The following METTL15 variants were observed in gnomAD, a reference collection of about 807,000 sequenced individuals.
METTL15 encodes the protein 12S rRNA N(4)-cytidine methyltransferase METTL15.
In METTL15, 34 loss-of-function variants were observed where a neutral mutation model predicts 38.3. That is an observed-to-expected ratio of 0.89 (90% confidence interval 0.68 to 1.18). METTL15 has a LOEUF of 1.18. Among genes scored for constraint, METTL15 ranks in the 50% most tolerant of loss-of-function variants. The pLI is 0.00. For missense variants in METTL15, 438 were observed against 498.4 expected (o/e 0.88, Z 1.15); for synonymous variants, 162 against 170.9 (o/e 0.95, Z 0.41).
rs1856457368 is a variant in METTL15 at position 28,290,249 on chromosome 11, G to A, written c.451G>A (p.Ala151Thr). Residue 151 changes from alanine (A) to threonine (T), a missense_variant, in exon 5 of 7, where the codon GCC (alanine) becomes ACC (threonine). Transcript: ENST00000407364. The stretch of plus-strand genomic sequence containing the variant: ...GCTGGGCCAGTTCAGCCAGGCAGAA[G>A]CCTTATTAATGAAAGCTGGAGTGCA... ...AMLGQFSQAE[A>T]LLMKAGVQPG... 3.1e-6 allele frequency: 5 copies of A among 1,613,098 alleles called. No homozygotes were observed. The African/African-American group carries it at 4.0e-5, about 13-fold the overall frequency.
At chr11:28,211,288 G>A in intron 4 of METTL15, 90 bp downstream of exon 4, 1 of 1,209,234 alleles carries the variant, frequency 8.3e-7, no homozygotes, top group South Asian at 1.9e-5. Context: ...TGCTTTGCAT[G>A]GGCTATATTT....
At chr11:28,156,332 A>C (rs1483861) in intron 3 of METTL15, among the ~76,000 whole-genome samples, 70,469 of 151,942 alleles carry the variant, frequency 0.46, 17,881 homozygotes, top group Admixed American at 0.56. Context: ...AATGGTTAGA[A>C]ATTTATCTTT....
rs79579790 is a variant in METTL15, at chr11:28,349,474, A to G, written c.*190-2616A>G. 2.2e-4 allele frequency among the ~76,000 whole-genome samples: 34 copies of G among 152,344 alleles called. No homozygotes were observed. In the East Asian group the frequency reaches 6.6e-3, roughly 29 times the overall value. Reference sequence around the variant, plus strand: ...GAAAGAGGAAGATATAGAGCTACTAACATGTCTTTATTCTTTTTTAATTGC... The same window carrying G: ...GAAAGAGGAAGATATAGAGCTACTAGCATGTCTTTATTCTTTTTTAATTGC... On this transcript the variant is annotated intron_variant and NMD_transcript_variant, in intron 3 of 7. Coordinates refer to the METTL15 transcript ENST00000532947.
chr11:28,492,690 G>C (rs1334341294), intron 6 of METTL15, among the ~76,000 whole-genome samples: 1 of 152,078 alleles, frequency 6.6e-6, no homozygotes, highest in Non-Finnish European at 1.5e-5. Context: ...TTCACTTTAT[G>C]AGTGCATTTA....
intron 3 of METTL15, among the ~76,000 whole-genome samples, chr11:28,152,720 G>T (rs1205660578): frequency 2.0e-5 from 3 of 151,948 alleles, no homozygotes; most frequent in Non-Finnish European, 2.9e-5. Flanking sequence ...CAGGAAAGGG[G>T]TCCGTATCCA....
chr11:28,372,043 A>T (rs1469216789), intron 5 of METTL15, among the ~76,000 whole-genome samples: 1 of 152,040 alleles, frequency 6.6e-6, no homozygotes, highest in Non-Finnish European at 1.5e-5. Context: ...AAATGGTGAA[A>T]GTAGGCATTC....
intron 6 of METTL15, among the ~76,000 whole-genome samples, chr11:28,456,389 A>G (rs10047455): frequency 0.012 from 1,766 of 152,022 alleles, 36 homozygotes; most frequent in African/African-American, 0.041. Flanking sequence ...TTTGCTCAGG[A>G]TGCTACTTCT....
At chr11:28,211,296 T>A (rs549583344) in intron 4 of METTL15, 98 bp downstream of exon 4, 1 of 1,060,802 alleles carries the variant, frequency 9.4e-7, no homozygotes, top group South Asian at 2.2e-5. Flanking sequence ...ATGGGCTATA[T>A]TTTACTCCAG....
At chr11:28,286,973 G>A (rs911314872) in intron 4 of METTL15, among the ~76,000 whole-genome samples, 1 of 148,794 alleles carries the variant, frequency 6.7e-6, no homozygotes, top group African/African-American at 2.5e-5. Flanking sequence ...ATATATATAT[G>A]TACTCTCCAC....
downstream of METTL15, among the ~76,000 whole-genome samples, chr11:28,531,634 G>A (rs1851843818): frequency 6.6e-6 from 1 of 151,902 alleles, no homozygotes; most frequent in African/African-American, 2.4e-5. Flanking sequence ...TAAGTTAGAT[G>A]GTATTGATTA....
chr11:28,400,075 T>C (rs1042544312), intron 5 of METTL15, among the ~76,000 whole-genome samples: 19 of 151,992 alleles, frequency 1.3e-4, no homozygotes, highest in African/African-American at 4.1e-4. Flanking sequence ...CGTCCTCACA[T>C]TCTTCCACCG....
In METTL15 at chr11:28,366,116, G is replaced by A. The variant is rs145113848; in HGVS notation, c.*358+4080G>A. On this transcript the variant is annotated intron_variant and NMD_transcript_variant, in intron 5 of 7. Coordinates refer to the METTL15 transcript ENST00000532947. ...CAGGAGCACAGTGAGTTAATTTCAG[G>A]CAGTAATTATTCCTTTCCACTTTGC... Among the ~76,000 whole-genome samples, 21 of 152,120 alleles carry A rather than the reference G, an allele frequency of 1.4e-4. No individual in the cohort carries two copies. In the East Asian group the frequency reaches 3.7e-3, roughly 27 times the overall value.
intron 5 of METTL15, among the ~76,000 whole-genome samples, chr11:28,383,578 C>T (rs959648429): frequency 1.3e-5 from 2 of 152,136 alleles, no homozygotes; most frequent in African/African-American, 4.8e-5. Context: ...TTTACATTCC[C>T]ACCAGCAGTG....
rs574074776 is a variant in METTL15, at chr11:28,477,008, G to A, written c.*425-49470G>A. On this transcript the variant is annotated intron_variant and NMD_transcript_variant, in intron 6 of 7. Transcript: ENST00000532947. ...TGAAAAAGAAGTCAAGTAGTAATAG[G>A]AGAAGCAAGAGACAGAAAGAGAAAC... 6.6e-5 allele frequency among the ~76,000 whole-genome samples: 10 copies of A among 152,250 alleles called. No individual in the cohort carries two copies. The South Asian group carries it at 2.1e-3, about 32-fold the overall frequency.
chr11:28,380,683 A>C (rs2133384472), intron 5 of METTL15, among the ~76,000 whole-genome samples: 1 of 152,312 alleles, frequency 6.6e-6, no homozygotes, highest in Non-Finnish European at 1.5e-5. Flanking sequence ...GGCTTATTAA[A>C]AGCATCTTAT....
chr11:28,396,878 G>T (rs1850575406), intron 5 of METTL15, among the ~76,000 whole-genome samples: 1 of 152,110 alleles, frequency 6.6e-6, no homozygotes. Flanking sequence ...GCATGGTACT[G>T]GTACAACAAC....
intron 5 of METTL15, among the ~76,000 whole-genome samples, chr11:28,377,028 C>T (rs890420140): frequency 2.8e-4 from 36 of 129,888 alleles, no homozygotes; most frequent in South Asian, 5.1e-4. Context: ...CCGAGAGATC[C>T]GCTGTTAGTC....
At chr11:28,163,493 G>A (rs1375516115) in intron 3 of METTL15, 1 of 397,254 alleles carries the variant, frequency 2.5e-6, no homozygotes, top group Non-Finnish European at 4.4e-6. Context: ...ATCTAATTTT[G>A]CATAGATCTT....
intron 3 of METTL15, among the ~76,000 whole-genome samples, chr11:28,340,195 G>A (rs1413496652): frequency 1.3e-5 from 2 of 151,980 alleles, no homozygotes; most frequent in Middle Eastern, 6.8e-3. Context: ...CAACATTTTT[G>A]TACATTTTAT....
Sources: gnomAD v4.1 joint callset for allele counts (sites outside exome capture counted in the v4.1 genomes callset) on GRCh38, gnomAD v4.1.1 for gene constraint, MANE v1.5 for transcripts, NCBI Gene and HGNC (gene_info 2026-07-23, HGNC 2026-07-21) for gene names.